Variants in TNFRSF8 observed in about 807,000 individuals in gnomAD.
TNFRSF8 encodes TNF receptor superfamily member 8, also known as tumor necrosis factor receptor superfamily member 8.
In TNFRSF8, 26 loss-of-function variants were observed where a neutral mutation model predicts 70.8. That is an observed-to-expected ratio of 0.37 (90% confidence interval 0.27 to 0.51). The LOEUF (loss-of-function observed/expected upper bound fraction) is 0.51, where lower values mean the gene tolerates loss of function less well. TNFRSF8 is among the 20% of genes least tolerant of loss of function. The pLI is 0.94. For missense variants in TNFRSF8, 720 were observed against 807.9 expected (o/e 0.89, Z 1.32); for synonymous variants, 356 against 339.2 (o/e 1.05, Z -0.54).
At chr1:12,101,146 C>G (rs1641416707) in intron 3 of TNFRSF8, among the ~76,000 whole-genome samples, 1 of 152,064 alleles carries the variant, frequency 6.6e-6, no homozygotes, top group Non-Finnish European at 1.5e-5. Context: ...AATGATAAGG[C>G]CGGCTTGGTG....
chr1:12,140,881 CCT>C (rs1314289857), intron 14 of TNFRSF8, among the ~76,000 whole-genome samples: 2 of 151,944 alleles, frequency 1.3e-5, no homozygotes, highest in Non-Finnish European at 2.9e-5. Context: ...CCTGGGGTCT[CCT>C]CTCTCACCAC....
At position 12,112,104 on chromosome 1, in the gene TNFRSF8, G is replaced by A; in HGVS notation, c.793+90G>A. The A allele has an allele frequency of 1.1e-6, 1 of 950,466 alleles. No individual in the cohort carries two copies. Among genetic ancestry groups the A allele is most frequent in the South Asian group, 1.5e-5 (1 of 64,622 alleles). 58.9% of individuals were successfully genotyped at this position (950,466 alleles called of 1,614,324 possible). On this transcript the variant is annotated intron_variant, in intron 7 of 14. Transcript: ENST00000263932. This position sits in a 1 kb window ranked among gnomAD's most constrained non-coding sequence, Gnocchi z 5.3. ...AGTAACTACTCCCCCTTATGTTTGT[G>A]GGTTTTTGATGGGGGTCGCCTCTTT...
At position 12,126,945 on chromosome 1, in the gene TNFRSF8, CT is replaced by C. The variant is rs570879786; in HGVS notation, c.1309+711del. Among the ~76,000 whole-genome samples, 113 of 152,330 alleles carry C rather than the reference CT, an allele frequency of 7.4e-4. 1 individual carries two copies. Among genetic ancestry groups the C allele is most frequent in the African/African-American group, 2.5e-3 (104 of 41,564 alleles). ...TTTTTCCTTCCTGGAAGCTTCAGGCCTTCCTGAGTCCTGGGTGCTTCTGACC... is the reference window on the plus strand; with the variant it reads ...TTTTTCCTTCCTGGAAGCTTCAGGCCTCCTGAGTCCTGGGTGCTTCTGACC... On this transcript the variant is annotated intron_variant, in intron 12 of 14. Transcript: ENST00000263932.
intron 12 of TNFRSF8, among the ~76,000 whole-genome samples, chr1:12,130,228 C>T (rs1488681573): frequency 6.6e-6 from 1 of 152,132 alleles, no homozygotes; most frequent in African/African-American, 2.4e-5. Flanking sequence ...TAATTTTCTT[C>T]ACTTACATAT....
Position 12,142,208 on chromosome 1 carries a change from T to A in TNFRSF8, c.1544-79T>A. 1 of 1,478,620 alleles carries A rather than the reference T, an allele frequency of 6.8e-7. No individual in the cohort carries two copies. Among genetic ancestry groups the A allele is most frequent in the Non-Finnish European group, 9.0e-7 (1 of 1,108,996 alleles). The allele number at this position is 1,478,620 out of a possible 1,614,324, so 91.6% of individuals were successfully genotyped here. A position where few individuals can be genotyped will look rare whatever the true frequency, so the allele number is the denominator to read the frequency against. ...CCGGCAGGTGTACCAGCACTGGGCC[T>A]CGGCCCTTCTCTGCCTCTTTGCTCC... On this transcript the variant is annotated intron_variant, in intron 14 of 14. Transcript: ENST00000263932. The surrounding 1 kb of genome is among the most constrained non-coding windows in gnomAD (Gnocchi z 5.0).
chr1:12,125,799 T>G (rs1641926436), intron 10 of TNFRSF8, 152 bp from the exon 11 acceptor site: 1 of 713,306 alleles, frequency 1.4e-6, no homozygotes, highest in South Asian at 1.6e-5. Flanking sequence ...GAGGGAGGGC[T>G]GGATGAGATA....
chr1:12,122,422 G>A (rs1470024106), intron 8 of TNFRSF8, among the ~76,000 whole-genome samples: 2 of 151,796 alleles, frequency 1.3e-5, no homozygotes, highest in Non-Finnish European at 2.9e-5. Context: ...TGAGGTGGGC[G>A]GATCACTTGA....
Position 12,094,265 on chromosome 1 carries a change from G to A in TNFRSF8, c.152-2836G>A, listed in dbSNP as rs558271352. 3.3e-5 allele frequency among the ~76,000 whole-genome samples: 5 copies of A among 152,238 alleles called. No individual in the cohort carries two copies. The South Asian group carries it at 6.2e-4, about 19-fold the overall frequency. ...AGTCTTTGTTTTTATTGGGGATCAC[G>A]ACCAAGGCTCTGAGACAGTGATGCT... On this transcript the variant is annotated intron_variant, in intron 2 of 14. Transcript: ENST00000263932.
At position 12,113,430 on chromosome 1, in the gene TNFRSF8, T is replaced by A. The variant is rs574212489; in HGVS notation, c.793+1416T>A. ...CTCAAGTGATCCGCCGGCCTTGGCC[T>A]CCCAAAGTGTTGGAATTACAAGCAT... On this transcript the variant is annotated intron_variant, in intron 7 of 14. Coordinates refer to ENST00000263932, the MANE Select transcript of TNFRSF8 (RefSeq NM_001243.5). The surrounding 1 kb of genome is among the most constrained non-coding windows in gnomAD (Gnocchi z 4.9). Among the ~76,000 whole-genome samples the A allele has an allele frequency of 6.6e-6, 1 of 152,296 alleles. No homozygotes were observed. The highest frequency in any genetic ancestry group is 2.1e-4 in the South Asian group (1 of 4,828).
chr1:12,104,994 A>G (rs1479555925), intron 4 of TNFRSF8, among the ~76,000 whole-genome samples: 2 of 152,140 alleles, frequency 1.3e-5, no homozygotes, highest in Non-Finnish European at 2.9e-5. Flanking sequence ...GTGACCTCAG[A>G]CAAGTTTCTT....
Position 12,093,783 on chromosome 1 carries a change from C to T in TNFRSF8, c.152-3318C>T, listed in dbSNP as rs147380055. 2.2e-3 allele frequency among the ~76,000 whole-genome samples: 335 copies of T among 152,194 alleles called. 2 individuals carry two copies. Among genetic ancestry groups the T allele is most frequent in the African/African-American group, 7.5e-3 (313 of 41,534 alleles). On this transcript the variant is annotated intron_variant, in intron 2 of 14. Coordinates refer to ENST00000263932, the MANE Select transcript of TNFRSF8 (RefSeq NM_001243.5). The stretch of plus-strand genomic sequence containing the variant: ...CTCAAACTCCTGACCTCAAATGATC[C>T]GCCTGGGCTGGGTGCGGTGGCTCAC...
chr1:12,099,543 G>A (rs918608602), intron 3 of TNFRSF8, among the ~76,000 whole-genome samples: 5 of 151,958 alleles, frequency 3.3e-5, no homozygotes, highest in African/African-American at 1.2e-4. Flanking sequence ...TCAGCCTCCC[G>A]AGTAGCTGGG....
At chr1:12,111,874 C>T (rs767485963) in intron 6 of TNFRSF8, 24 bp from the exon 7 acceptor site, 155 of 1,607,030 alleles carry the variant, frequency 9.6e-5, no homozygotes, top group Admixed American at 4.7e-4. Context: ...GCCTGGCCTG[C>T]AGCTTCTCTG....
chr1:12,123,633 C>G, intron 9 of TNFRSF8, 82 bp from the exon 10 acceptor site: 1 of 1,258,180 alleles, frequency 7.9e-7, no homozygotes, highest in Non-Finnish European at 1.1e-6. Context: ...GTTGCGCAGT[C>G]TCCAGAGAAA....
At chr1:12,066,182 T>C (rs1397774961) in intron 1 of TNFRSF8, among the ~76,000 whole-genome samples, 5 of 152,154 alleles carry the variant, frequency 3.3e-5, no homozygotes, top group African/African-American at 1.2e-4. Context: ...CACTAGGTCA[T>C]TTCTTGGCAG....
intron 12 of TNFRSF8, among the ~76,000 whole-genome samples, chr1:12,128,251 C>T (rs574230565): frequency 1.2e-4 from 19 of 152,350 alleles, no homozygotes; most frequent in South Asian, 6.2e-4. Flanking sequence ...AGACTAATTC[C>T]GACTGCCCGC....
rs75441293 is a variant in TNFRSF8, at chr1:12,102,869, C to A, written c.269-1510C>A. Among the ~76,000 whole-genome samples the A allele has an allele frequency of 1.9e-3, 286 of 152,250 alleles. 1 individual carries two copies. Among genetic ancestry groups the A allele is most frequent in the African/African-American group, 6.7e-3 (278 of 41,536 alleles). On this transcript the variant is annotated intron_variant, in intron 3 of 14. Coordinates refer to ENST00000263932, the MANE Select transcript of TNFRSF8 (RefSeq NM_001243.5). ...CTGTTAACCAACCTGTGATTTCCTG[C>A]TTTTCCTGCCAGCAGTTGTTATTAT...
At chr1:12,085,303 T>A (rs1037319960) in intron 2 of TNFRSF8, among the ~76,000 whole-genome samples, 1 of 152,050 alleles carries the variant, frequency 6.6e-6, no homozygotes, top group Non-Finnish European at 1.5e-5. Context: ...AGAGACAGGG[T>A]TTCGCCATAT....
intron 1 of TNFRSF8, among the ~76,000 whole-genome samples, chr1:12,074,941 A>G (rs1262878282): frequency 6.6e-6 from 1 of 152,020 alleles, no homozygotes; most frequent in Non-Finnish European, 1.5e-5. Context: ...GGCACATGCC[A>G]CCATGCCCAG....
Sources: allele counts gnomAD v4.1 joint callset (sites outside exome capture counted in the v4.1 genomes callset), GRCh38; gene constraint gnomAD v4.1.1; non-coding constraint Gnocchi (gnomAD v3.1); transcripts MANE v1.5; gene names NCBI Gene and HGNC (gene_info 2026-07-23, HGNC 2026-07-21).